The following CPNE4 variants were observed in gnomAD, a reference collection of about 807,000 sequenced individuals.
CPNE4 encodes the protein copine-4.
In CPNE4, 25 loss-of-function variants were observed where a neutral mutation model predicts 67.9. The ratio of observed to expected loss-of-function variants is 0.37; its 90% CI spans 0.27 to 0.51. CPNE4 has a LOEUF of 0.51. Among genes scored for constraint, CPNE4 ranks in the 20% least tolerant of loss-of-function variants. CPNE4 has a pLI of 0.93. For synonymous variants in CPNE4, 242 were observed against 244.9 expected (o/e 0.99, Z 0.11); for missense variants, 464 against 690.8 (o/e 0.67, Z 3.68).
chr3:131,801,402 AG>A (rs1553774122), intron 2 of CPNE4, among the ~76,000 whole-genome samples: 1 of 113,950 alleles, frequency 8.8e-6, no homozygotes, highest in Non-Finnish European at 1.7e-5. Context: ...ATATATATAT[AG>A]GTACATATAT....
intron 2 of CPNE4, among the ~76,000 whole-genome samples, chr3:131,886,241 G>A (rs2087887740): frequency 6.6e-6 from 1 of 152,230 alleles, no homozygotes; most frequent in African/African-American, 2.4e-5. Flanking sequence ...GTGGAGCTTG[G>A]AATTCAAATA....
At chr3:131,593,907 A>T (rs930531425) in intron 7 of CPNE4, among the ~76,000 whole-genome samples, 1 of 151,856 alleles carries the variant, frequency 6.6e-6, no homozygotes, top group Non-Finnish European at 1.5e-5. Flanking sequence ...TTTAGTAGAG[A>T]TGGGGTTTCA....
intron 10 of CPNE4, among the ~76,000 whole-genome samples, chr3:131,571,098 T>C (rs1476705276): frequency 1.3e-5 from 2 of 152,000 alleles, no homozygotes; most frequent in Admixed American, 6.6e-5. Context: ...GAAGATGATA[T>C]ACACCTACCT....
intron 1 of CPNE4, among the ~76,000 whole-genome samples, chr3:131,974,786 T>C (rs181652731): frequency 1.3e-5 from 2 of 152,228 alleles, no homozygotes; most frequent in Non-Finnish European, 2.9e-5. Flanking sequence ...GGCAGGTGGA[T>C]TGCTTGAGCT....
At chr3:132,028,175 C>T (rs549716500) in intron 1 of CPNE4, among the ~76,000 whole-genome samples, 1 of 152,144 alleles carries the variant, frequency 6.6e-6, no homozygotes, top group Non-Finnish European at 1.5e-5. Flanking sequence ...TGAGATGCCA[C>T]CCCCTCCACT....
At chr3:131,762,601 A>T (rs928016652) in intron 2 of CPNE4, among the ~76,000 whole-genome samples, 10 of 152,122 alleles carry the variant, frequency 6.6e-5, no homozygotes, top group African/African-American at 2.4e-4. Flanking sequence ...CATGGAATTT[A>T]TATCTGACTG....
intron 2 of CPNE4, among the ~76,000 whole-genome samples, chr3:131,888,952 C>T (rs904513514): frequency 2.6e-5 from 4 of 152,174 alleles, no homozygotes; most frequent in Non-Finnish European, 5.9e-5. Flanking sequence ...AAAAGCTTAT[C>T]TCTGGCATTA....
chr3:131,889,563 G>A (rs1275214988), intron 2 of CPNE4, among the ~76,000 whole-genome samples: 1 of 152,170 alleles, frequency 6.6e-6, no homozygotes, highest in Non-Finnish European at 1.5e-5. Flanking sequence ...CCAGCCAAGA[G>A]TTTATTTTTC....
intron 2 of CPNE4, among the ~76,000 whole-genome samples, chr3:131,781,806 G>A (rs1054069269): frequency 6.7e-6 from 1 of 149,954 alleles, no homozygotes; most frequent in Admixed American, 6.6e-5. Flanking sequence ...GTTTCCTTGA[G>A]TAAGTGGCTT....
At chr3:131,537,848 A>T (rs928396344) in intron 15 of CPNE4, among the ~76,000 whole-genome samples, 1 of 152,142 alleles carries the variant, frequency 6.6e-6, no homozygotes, top group African/African-American at 2.4e-5. Flanking sequence ...TGAGCCCCTA[A>T]CTTCTAGCTA....
chr3:131,801,444 G>A (rs1199104232), intron 2 of CPNE4, among the ~76,000 whole-genome samples: 61 of 85,000 alleles, frequency 7.2e-4, no homozygotes, highest in African/African-American at 2.9e-3. Flanking sequence ...GTGTGTGTGT[G>A]TGTGTGTGTA....
At chr3:131,717,875 T>TTTCTTTCTCTTTCC (rs1560172551) in intron 3 of CPNE4, among the ~76,000 whole-genome samples, 1 of 28,376 alleles carries the variant, frequency 3.5e-5, no homozygotes, top group East Asian at 9.9e-4. Context: ...CTTTCTTTCT[T>TTTCTTTCTCTTTCC]TTCTTTCTTT....
intron 2 of CPNE4, among the ~76,000 whole-genome samples, chr3:131,792,652 TATACACACGTGTATATATAC>T (rs1192992363): frequency 0.013 from 964 of 76,842 alleles, 17 homozygotes; most frequent in Admixed American, 0.025. Flanking sequence ...TATATGTATA[TATACACACGTGTATATATAC>T]ATATATACAC....
intron 2 of CPNE4, among the ~76,000 whole-genome samples, chr3:131,832,921 G>A (rs116049293): frequency 0.01 from 1,532 of 152,218 alleles, 24 homozygotes; most frequent in African/African-American, 0.034. Flanking sequence ...AGACTGTTAC[G>A]CTCAGTCAAA....
chr3:131,778,360 G>A (rs573149094), intron 2 of CPNE4, among the ~76,000 whole-genome samples: 55 of 152,156 alleles, frequency 3.6e-4, no homozygotes, highest in African/African-American at 1.3e-3. Flanking sequence ...AGCCTGTCCT[G>A]GAGAGAGTAT....
chr3:131,848,955 A>C, intron 2 of CPNE4, among the ~76,000 whole-genome samples: 1 of 79,326 alleles, frequency 1.3e-5, no homozygotes, highest in South Asian at 6.2e-4. Context: ...AGTAGTGATT[A>C]CAAAAAAAAA....
chr3:131,828,784 T>A (rs891318004), intron 2 of CPNE4, among the ~76,000 whole-genome samples: 11 of 152,160 alleles, frequency 7.2e-5, no homozygotes, highest in Admixed American at 1.3e-4. Context: ...AGTGAGCTTC[T>A]GTGATTGCAT....
chr3:131,817,771 CAG>C (rs2084801735), intron 2 of CPNE4, among the ~76,000 whole-genome samples: 1 of 152,192 alleles, frequency 6.6e-6, no homozygotes, highest in Middle Eastern at 3.2e-3. Context: ...GCAGAAGTTA[CAG>C]AGAGACGTAT....
chr3:131,981,216 A>T (rs1194805832), intron 1 of CPNE4, among the ~76,000 whole-genome samples: 12 of 150,888 alleles, frequency 8.0e-5, no homozygotes, highest in Non-Finnish European at 1.3e-4. Context: ...CTGTGGTAGA[A>T]TGGGGAGGAA....
Sources: allele counts gnomAD v4.1 joint callset (sites outside exome capture counted in the v4.1 genomes callset), GRCh38; gene constraint gnomAD v4.1.1; transcripts MANE v1.5; gene names NCBI Gene and HGNC (gene_info 2026-07-23, HGNC 2026-07-21).